The following NDRG2 variants were observed in gnomAD, a reference collection of about 807,000 sequenced individuals.
The protein encoded by NDRG2 is NDRG family member 2.
Under a neutral mutation model 58.2 loss-of-function variants are expected in NDRG2, and 34 were observed. The ratio of observed to expected loss-of-function variants is 0.58; its 90% confidence interval spans 0.44 to 0.78. NDRG2 has a LOEUF of 0.78. NDRG2 is among the 30% of genes least tolerant of loss of function. The pLI is 0.00. For synonymous variants in NDRG2, 187 were observed against 175.9 expected, an observed-to-expected ratio of 1.06 and a Z score of -0.50; for missense variants, 434 against 471.2, an observed-to-expected ratio of 0.92 and a Z score of 0.73.
At chr14:21,052,412 G>T (rs967573637) in intron 1 of NDRG2, among the ~76,000 whole-genome samples, 1 of 152,146 alleles carries the variant, frequency 6.6e-6, no homozygotes, top group Non-Finnish European at 1.5e-5. Flanking sequence ...GGATTTGTAC[G>T]GCAAGGTTCG....
intron 6 of NDRG2, 149 bp from the exon 7 acceptor site, chr14:21,020,993 A>T (rs778132746): frequency 1.1e-6 from 1 of 882,714 alleles, no homozygotes; most frequent in Non-Finnish European, 1.8e-6. Flanking sequence ...CGCGAAAAAG[A>T]AGGGCCCAAG....
intron 1 of NDRG2, 131 bp from the exon 2 acceptor site, chr14:21,023,452 A>G: frequency 1.3e-6 from 1 of 747,026 alleles, no homozygotes; most frequent in South Asian, 1.7e-5. Flanking sequence ...ACTACTCTAG[A>G]ACACACAGAG....
At chr14:21,047,818 G>A (rs900418805) in intron 1 of NDRG2, among the ~76,000 whole-genome samples, 1 of 152,112 alleles carries the variant, frequency 6.6e-6, no homozygotes, top group Admixed American at 6.5e-5. Context: ...ATCTGAGGTA[G>A]ACTGGGGAGG....
chr14:21,021,064 C>T, intron 6 of NDRG2: 1 of 669,038 alleles, frequency 1.5e-6, no homozygotes, highest in Non-Finnish European at 2.7e-6. Context: ...CAGCTTTCTG[C>T]TGGAGAGCTA....
intron 1 of NDRG2, among the ~76,000 whole-genome samples, chr14:21,041,060 T>C (rs1316095030): frequency 6.6e-6 from 1 of 152,124 alleles, no homozygotes; most frequent in East Asian, 1.9e-4. Flanking sequence ...GGTGCAATCA[T>C]GATTTTCACT....
intron 6 of NDRG2, chr14:21,021,116 A>C: frequency 3.3e-6 from 2 of 604,282 alleles, no homozygotes; most frequent in East Asian, 3.5e-5. Flanking sequence ...CAACCAACAC[A>C]CTGTTTTCCC....
intron 1 of NDRG2, chr14:21,058,208 A>G: frequency 6.2e-7 from 1 of 1,614,128 alleles, no homozygotes. Flanking sequence ...CATGTCCCTG[A>G]CCATGGGTGA....
chr14:21,031,485 C>T (rs762887016), intron 1 of NDRG2, among the ~76,000 whole-genome samples: 2 of 152,210 alleles, frequency 1.3e-5, no homozygotes, highest in South Asian at 4.1e-4. Context: ...TCTTCCAATT[C>T]TTATTTAGGG....
intron 1 of NDRG2, among the ~76,000 whole-genome samples, chr14:21,053,889 A>G (rs1885570921): frequency 6.6e-6 from 1 of 152,208 alleles, no homozygotes; most frequent in Non-Finnish European, 1.5e-5. Context: ...TTGATATTCT[A>G]TGAAACTGGG....
upstream of NDRG2, among the ~76,000 whole-genome samples, chr14:21,026,218 G>T (rs113940311): frequency 0.027 from 4,115 of 152,224 alleles, 168 homozygotes; most frequent in African/African-American, 0.094. Flanking sequence ...TCCCTGGAAT[G>T]AGTTAGTTGA....
upstream of NDRG2, chr14:21,025,364 G>A: frequency 3.0e-6 from 3 of 985,454 alleles, no homozygotes; most frequent in Non-Finnish European, 3.6e-6. This position sits in a 1 kb window ranked among gnomAD's most constrained non-coding sequence, Gnocchi z 5.1. Flanking sequence ...GGGATCCCTC[G>A]GCTGCCCTCA....
chr14:21,039,669 A>T (rs1345476623), intron 1 of NDRG2, among the ~76,000 whole-genome samples: 1 of 152,206 alleles, frequency 6.6e-6, no homozygotes, highest in African/African-American at 2.4e-5. Flanking sequence ...TTATCCAAAT[A>T]ATTGAGGCAA....
At position 21,031,158 on chromosome 14, in the gene NDRG2, G is replaced by A. The variant is rs142073310; in HGVS notation, c.25-7837C>T. ...GAGGGCAAAGACCCAGCCACCACTG[G>A]CGCTACTGTGAGTGACAGCCTTCAT... On this transcript the variant is annotated intron_variant, in intron 1 of 14. Transcript: ENST00000403829. 1.8e-4 allele frequency: 287 copies of A among 1,613,534 alleles called. 1 individual carries two copies. The African/African-American group carries it at 2.9e-3, about 17-fold the overall frequency.
chr14:21,022,385 T>A lies in NDRG2; in HGVS notation c.223+7A>T, dbSNP rs1881026329. On this transcript the variant is annotated splice_region_variant and intron_variant, in intron 4 of 15. Transcript: ENST00000556147. The stretch of plus-strand genomic sequence containing the variant: ...GACAGGAGTGGGAGATGAATGAAGG[T>A]CCTTACAGTTGAGTCCCACATCGTG... 2 of 1,610,002 alleles carry A rather than the reference T, an allele frequency of 1.2e-6. No individual in the cohort carries two copies. The highest frequency in any genetic ancestry group is 1.7e-6 in the Non-Finnish European group (2 of 1,176,472).
At position 21,031,130 on chromosome 14, in the gene NDRG2, A is replaced by G. The variant is rs1315949260; in HGVS notation, c.25-7809T>C. On this transcript the variant is annotated intron_variant, in intron 1 of 14. Coordinates refer to the NDRG2 transcript ENST00000403829. Reference sequence around the variant, plus strand: ...AGTCCTGGAGAACATTTATGGACTCATGGAGGGCAAAGACCCAGCCACCAC... The same window carrying G: ...AGTCCTGGAGAACATTTATGGACTCGTGGAGGGCAAAGACCCAGCCACCAC... 5 of 1,614,032 alleles carry G rather than the reference A, an allele frequency of 3.1e-6. No individual in the cohort carries two copies. Among genetic ancestry groups the G allele is most frequent in the African/African-American group, 1.3e-5 (1 of 74,926 alleles).
intron 6 of NDRG2, chr14:21,021,586 A>G: frequency 1.8e-6 from 1 of 552,620 alleles, no homozygotes; most frequent in Non-Finnish European, 3.2e-6. Context: ...GGCAGGGCCA[A>G]GCATAGACCC....
Position 21,017,987 on chromosome 14 carries a change from T to C in NDRG2, c.949A>G (p.Met317Val), listed in dbSNP as rs200176398. Residue 317 changes from methionine (M) to valine (V), a missense_variant and splice_region_variant, in exon 15 of 16, where the codon ATG becomes GTG. Met to Val is a conservative substitution (Grantham distance 21). Transcript: ENST00000556147. ...FKYFLQGMGY[M>V]ASSCMTRLSR... The stretch of plus-strand genomic sequence containing the variant: ...AGCAAGCTCTTGTCCCGATACTCAC[T>C]GTAGCCCATGCCTTGCAGGAAGTAC... The C allele has an allele frequency of 1.2e-6, 2 of 1,614,176 alleles. No homozygotes were observed. The highest frequency in any genetic ancestry group is 1.7e-6 in the Non-Finnish European group (2 of 1,180,024).
upstream of NDRG2, chr14:21,025,471 C>T: frequency 1.0e-6 from 1 of 985,448 alleles, no homozygotes; most frequent in Non-Finnish European, 1.2e-6. The surrounding 1 kb of genome is among the most constrained non-coding windows in gnomAD (Gnocchi z 5.1). Flanking sequence ...GGAGACGAAC[C>T]CGGGATACTG....
At chr14:21,067,985 T>TCTCCATGAAAAAAAAAA (rs1566514089) in intron 1 of NDRG2, among the ~76,000 whole-genome samples, 2 of 4,290 alleles carry the variant, frequency 4.7e-4, no homozygotes, top group South Asian at 2.5e-3. Flanking sequence ...CTCCCCTTTT[T>TCTCCATGAAAAAAAAAA]TTTTTTTTTT....
Sources: allele counts gnomAD v4.1 joint callset (sites outside exome capture counted in the v4.1 genomes callset), GRCh38; gene constraint gnomAD v4.1.1; non-coding constraint Gnocchi (gnomAD v3.1); transcripts MANE v1.5; gene names NCBI Gene and HGNC (gene_info 2026-07-23, HGNC 2026-07-21).